Variants in DCUN1D1 observed in about 807,000 individuals in gnomAD.
The protein encoded by DCUN1D1 is DCN1-like protein 1.
Under a neutral mutation model 39.0 loss-of-function variants are expected in DCUN1D1, and 3 were observed. That is an observed-to-expected ratio of 0.08 (90% CI 0.04 to 0.20). The LOEUF (loss-of-function observed/expected upper bound fraction) is 0.20. Among genes scored for constraint, DCUN1D1 ranks in the 10% least tolerant of loss-of-function variants. The pLI, the probability that DCUN1D1 is intolerant of heterozygous loss-of-function variation, is 1.00. For missense variants in DCUN1D1, 158 were observed against 302.4 expected, an observed-to-expected ratio of 0.52 and a Z score of 3.54; for synonymous variants, 82 against 96.3, an observed-to-expected ratio of 0.85 and a Z score of 0.87.
intron 2 of DCUN1D1, among the ~76,000 whole-genome samples, chr3:182,965,074 A>C (rs1727603450): frequency 6.6e-6 from 1 of 152,270 alleles, no homozygotes; most frequent in Non-Finnish European, 1.5e-5. Flanking sequence ...AAACTCTGTA[A>C]ATATATTTCT....
chr3:182,975,973 C>T (rs952596757), intron 1 of DCUN1D1, among the ~76,000 whole-genome samples: 4 of 150,914 alleles, frequency 2.7e-5, no homozygotes, highest in Non-Finnish European at 4.4e-5. Flanking sequence ...ATGTTAATTT[C>T]GTTTCTTTGT....
chr3:182,947,769 T>C (rs1338073388), intron 4 of DCUN1D1, 137 bp from the exon 5 acceptor site: 1 of 569,996 alleles, frequency 1.8e-6, no homozygotes, highest in African/African-American at 2.0e-5. Flanking sequence ...ACTTATGTAT[T>C]AAAAATTTCC....
At chr3:182,974,918 C>T (rs962830200) in intron 1 of DCUN1D1, among the ~76,000 whole-genome samples, 1 of 151,882 alleles carries the variant, frequency 6.6e-6, no homozygotes, top group African/African-American at 2.4e-5. Flanking sequence ...TGGGGGTGGG[C>T]GCACACCTAA....
Position 182,965,742 on chromosome 3 carries a change from T to C in DCUN1D1, c.15A>G (p.Lys5=), listed in dbSNP as rs1177194876. 6.2e-7 allele frequency: 1 copy of C among 1,612,016 alleles called. No homozygotes were observed. Among genetic ancestry groups the C allele is most frequent in the Non-Finnish European group, 8.5e-7 (1 of 1,178,838 alleles). Residue 5 remains lysine, a synonymous_variant, in exon 2 of 7, where the codon AAA becomes AAG. Transcript: ENST00000292782. MNKL[K]SSQKDKVRQF... is the part of the protein sequence containing the mutation. ...GACGAACTTTATCCTTCTGCGATGA[T>C]TTCAACTTGTTCTATTGAAACCAGA...
intron 1 of DCUN1D1, among the ~76,000 whole-genome samples, 161 bp downstream of exon 1, chr3:182,980,326 G>C (rs921021084): frequency 2.6e-5 from 4 of 151,708 alleles, no homozygotes; most frequent in Non-Finnish European, 4.4e-5. Context: ...AGGAGGAAGG[G>C]AGAGGCAGGC....
At position 182,942,314 on chromosome 3, in the gene DCUN1D1, G is replaced by A. The variant is rs1489079546; in HGVS notation, c.*2780C>T. 1.3e-5 allele frequency: 2 copies of A among 151,960 alleles called. No homozygotes were observed. The highest frequency in any genetic ancestry group is 2.9e-5 in the Non-Finnish European group (2 of 67,984). 9.4% of individuals were successfully genotyped at this position (151,960 alleles called of 1,614,324 possible). Reference sequence around the variant, plus strand: ...TTATTCTTCCTAGAAAAGTTTTCAGGTATATTTTAAATCTATAAAAAAAAT... The same window carrying A: ...TTATTCTTCCTAGAAAAGTTTTCAGATATATTTTAAATCTATAAAAAAAAT... On this transcript the variant is annotated 3_prime_UTR_variant, in exon 7 of 7. Coordinates refer to ENST00000292782, the MANE Select transcript of DCUN1D1 (RefSeq NM_020640.4).
At chr3:182,977,912 C>T (rs1293931800) in intron 1 of DCUN1D1, among the ~76,000 whole-genome samples, 2 of 151,676 alleles carry the variant, frequency 1.3e-5, no homozygotes, top group African/African-American at 2.4e-5. Flanking sequence ...TGTTGGCGGG[C>T]ACCTATAATC....
intron 1 of DCUN1D1, among the ~76,000 whole-genome samples, chr3:182,968,623 C>T (rs1269342542): frequency 1.3e-5 from 2 of 148,930 alleles, no homozygotes; most frequent in African/African-American, 2.5e-5. Context: ...TTTTTTGAGA[C>T]GGAGTCTCGC....
intron 1 of DCUN1D1, among the ~76,000 whole-genome samples, chr3:182,973,384 G>A (rs938607386): frequency 6.6e-6 from 1 of 152,144 alleles, no homozygotes; most frequent in Non-Finnish European, 1.5e-5. Context: ...AGTTGATTGC[G>A]GGTAACTGAA....
At chr3:182,953,370 C>T (rs9814216) in intron 4 of DCUN1D1, among the ~76,000 whole-genome samples, 108,664 of 152,100 alleles carry the variant, frequency 0.71, 39,648 homozygotes, top group Non-Finnish European at 0.77. Context: ...AAGAAGCCCT[C>T]AGAAAGAAAT....
chr3:182,977,720 C>T (rs1301192103), intron 1 of DCUN1D1, among the ~76,000 whole-genome samples: 1 of 152,018 alleles, frequency 6.6e-6, no homozygotes, highest in Non-Finnish European at 1.5e-5. Flanking sequence ...AGGCGTGAGC[C>T]ACTGCACTCA....
At chr3:182,959,751 T>G (rs190613278) in intron 4 of DCUN1D1, among the ~76,000 whole-genome samples, 1 of 152,272 alleles carries the variant, frequency 6.6e-6, no homozygotes, top group Admixed American at 6.5e-5. Flanking sequence ...CCACCAAAAC[T>G]CGTACTGAAA....
intron 1 of DCUN1D1, among the ~76,000 whole-genome samples, chr3:182,967,707 C>T (rs566566217): frequency 7.2e-5 from 11 of 152,266 alleles, no homozygotes; most frequent in African/African-American, 2.6e-4. Flanking sequence ...AAAACACATC[C>T]CTCAAGTGTC....
intron 3 of DCUN1D1, among the ~76,000 whole-genome samples, chr3:182,962,883 C>A (rs988638283): frequency 2.0e-5 from 3 of 152,132 alleles, no homozygotes; most frequent in Non-Finnish European, 2.9e-5. Context: ...CGGGTTCAAG[C>A]GATTCTCCTG....
intron 4 of DCUN1D1, among the ~76,000 whole-genome samples, chr3:182,958,139 C>T (rs1307239664): frequency 6.6e-6 from 1 of 151,810 alleles, no homozygotes; most frequent in Non-Finnish European, 1.5e-5. Flanking sequence ...CTTAGAAAGG[C>T]TGTTATAAAA....
chr3:182,959,563 C>T (rs1727277419), intron 4 of DCUN1D1, among the ~76,000 whole-genome samples: 1 of 147,570 alleles, frequency 6.8e-6, no homozygotes, highest in Non-Finnish European at 1.5e-5. Flanking sequence ...ACTTAACCTT[C>T]CTGTGCCTAA....
upstream of DCUN1D1, chr3:182,980,559 G>C (rs1577209080): frequency 8.4e-7 from 1 of 1,193,204 alleles, no homozygotes; most frequent in Non-Finnish European, 1.1e-6. Flanking sequence ...GGCGGCGGCG[G>C]CTCCTCTCAC....
At chr3:182,960,032 C>T (rs1207467656) in intron 4 of DCUN1D1, among the ~76,000 whole-genome samples, 1 of 152,184 alleles carries the variant, frequency 6.6e-6, no homozygotes, top group East Asian at 1.9e-4. Flanking sequence ...AAGCCAGGGC[C>T]ATGCCCCACT....
chr3:182,961,028 A>G (rs1261600519), intron 4 of DCUN1D1, among the ~76,000 whole-genome samples, 198 bp downstream of exon 4: 1 of 152,200 alleles, frequency 6.6e-6, no homozygotes, highest in Admixed American at 6.5e-5. Context: ...TCAGTGGTTC[A>G]CATATAGTAC....
Sources: allele counts gnomAD v4.1 joint callset (sites outside exome capture counted in the v4.1 genomes callset), GRCh38; gene constraint gnomAD v4.1.1; transcripts MANE v1.5; gene names NCBI Gene and HGNC (gene_info 2026-07-23, HGNC 2026-07-21).